KIF21A: variants seen among roughly 807,000 people sequenced by gnomAD.
The protein encoded by KIF21A is kinesin family member 21A, also known as kinesin-like protein KIF21A.
In KIF21A, 114 loss-of-function variants were observed where a neutral mutation model predicts 202.9. The ratio of observed to expected loss-of-function variants is 0.56; its 90% CI spans 0.48 to 0.66. The LOEUF is 0.66. Among genes scored for constraint, KIF21A ranks in the 30% least tolerant of loss-of-function variants. The pLI is 0.00. For missense variants in KIF21A, 1,677 were observed against 1,994.9 expected, an observed-to-expected ratio of 0.84 and a Z score of 3.04; for synonymous variants, 667 against 670.8, an observed-to-expected ratio of 0.99 and a Z score of 0.09.
At chr12:39,315,149 C>T in intron 31 of KIF21A, 80 bp downstream of exon 31, 3 of 1,330,198 alleles carry the variant, frequency 2.3e-6, no homozygotes, top group Non-Finnish European at 2.2e-6. Flanking sequence ...AAAATAAACA[C>T]TTATTTTTGT....
chr12:39,368,736 G>GT (rs1436497666), intron 3 of KIF21A, among the ~76,000 whole-genome samples: 1 of 148,904 alleles, frequency 6.7e-6, no homozygotes, highest in Non-Finnish European at 1.5e-5. Flanking sequence ...AAAACCAGCA[G>GT]TAAAAAAAAA....
intron 1 of KIF21A, among the ~76,000 whole-genome samples, chr12:39,404,157 C>G (rs1166763551): frequency 6.6e-6 from 1 of 152,076 alleles, no homozygotes; most frequent in Non-Finnish European, 1.5e-5. Flanking sequence ...CACAATCATG[C>G]TACTCTACTA....
rs1337626506 is a variant in KIF21A, at chr12:39,303,256, T to C, written c.4561-121A>G. On this transcript the variant is annotated intron_variant, in intron 35 of 37. Transcript: ENST00000361418. Reference sequence around the variant, plus strand: ...CAGACATGACTTGTTTTGTTATCTATTGTTTCTGGTTTGTTAAATGTTTTC... The same window carrying C: ...CAGACATGACTTGTTTTGTTATCTACTGTTTCTGGTTTGTTAAATGTTTTC... 1.4e-5 allele frequency: 11 copies of C among 778,634 alleles called. No homozygotes were observed. In the East Asian group the frequency reaches 2.7e-4, roughly 19 times the overall value. The allele number at this position is 778,634 out of a possible 1,614,324, so 48.2% of individuals were successfully genotyped here. A position where few individuals can be genotyped will look rare whatever the true frequency, so the allele number is the denominator to read the frequency against.
At chr12:39,396,452 A>C (rs567985518) in intron 1 of KIF21A, among the ~76,000 whole-genome samples, 29 of 152,358 alleles carry the variant, frequency 1.9e-4, no homozygotes, top group Non-Finnish European at 3.7e-4. Flanking sequence ...TGAATGAACA[A>C]TTCAACAATT....
chr12:39,340,804 G>A (rs1032028388), intron 15 of KIF21A, 102 bp downstream of exon 15: 1 of 796,338 alleles, frequency 1.3e-6, no homozygotes, highest in Non-Finnish European at 2.0e-6. Context: ...TAACAAAAAA[G>A]GGTTTAATAC....
In KIF21A at chr12:39,325,772, T is replaced by C. The variant is rs377497073; in HGVS notation, c.3456+67A>G. ...CTATTAAGAGTCAAATCTGAACCTA[T>C]GTGTTAAATAGTGATAACAAATAAT... is the stretch of plus-strand genomic sequence containing the variant. On this transcript the variant is annotated intron_variant, in intron 26 of 37. Transcript: ENST00000361418. The C allele has an allele frequency of 1.6e-4, 176 of 1,069,056 alleles. No individual in the cohort carries two copies. In the African/African-American group the frequency reaches 2.7e-3, roughly 16 times the overall value. The allele number at this position is 1,069,056 out of a possible 1,614,324, so 66.2% of individuals were successfully genotyped here. A position where few individuals can be genotyped will look rare whatever the true frequency, so the allele number is the denominator to read the frequency against.
In KIF21A at chr12:39,442,948, C is replaced by T; in HGVS notation, c.23G>A (p.Ser8Asn). The change falls in exon 1 of 38, where the codon AGC (serine) becomes AAC (asparagine). Residue 8 changes from serine (S) to asparagine (N), a missense_variant. This residue lies in a region of KIF21A where 966 missense variants were observed against 1,180.9 expected (regional missense o/e 0.82). Transcript: ENST00000361418. The surrounding 1 kb of genome is among the most constrained non-coding windows in gnomAD (Gnocchi z 5.0). MLGAPDE[S>N]SVRVAVRIRP... is the part of the protein sequence containing the mutation. Reference sequence around the variant, plus strand: ...TCACCTGACAGCCACCCGCACGGAGCTCTCGTCCGGGGCGCCCAACATGCT... The same window carrying T: ...TCACCTGACAGCCACCCGCACGGAGTTCTCGTCCGGGGCGCCCAACATGCT... 2 of 1,523,922 alleles carry T rather than the reference C, an allele frequency of 1.3e-6. No homozygotes were observed. Among genetic ancestry groups the T allele is most frequent in the South Asian group, 2.4e-5 (2 of 82,836 alleles). 94.4% of individuals were successfully genotyped at this position (1,523,922 alleles called of 1,614,324 possible).
chr12:39,344,257 A>G (rs1947700927), intron 12 of KIF21A, among the ~76,000 whole-genome samples: 1 of 152,178 alleles, frequency 6.6e-6, no homozygotes, highest in South Asian at 2.1e-4. Flanking sequence ...CAAGATGAAA[A>G]TCTAGAAAGA....
intron 10 of KIF21A, among the ~76,000 whole-genome samples, chr12:39,352,982 T>C (rs1948508090): frequency 6.6e-6 from 1 of 152,038 alleles, no homozygotes; most frequent in East Asian, 1.9e-4. Flanking sequence ...ATATAATAGA[T>C]TTTCAAGGTT....
chr12:39,341,474 A>AATT, intron 14 of KIF21A, 31 bp downstream of exon 14: 2 of 1,605,552 alleles, frequency 1.2e-6, no homozygotes, highest in Non-Finnish European at 8.5e-7. Flanking sequence ...TCCCAAAATG[A>AATT]ATTTTTGCCC....
At chr12:39,343,544 T>G (rs930322824) in intron 12 of KIF21A, among the ~76,000 whole-genome samples, 2 of 152,184 alleles carry the variant, frequency 1.3e-5, no homozygotes, top group Non-Finnish European at 2.9e-5. Context: ...CCCTAATACA[T>G]GGATTGATTT....
At chr12:39,433,104 T>C (rs1938182962) in intron 1 of KIF21A, among the ~76,000 whole-genome samples, 2 of 152,240 alleles carry the variant, frequency 1.3e-5, no homozygotes, top group South Asian at 4.1e-4. Flanking sequence ...TATCTTTTCC[T>C]GATAATTTTT....
chr12:39,425,220 T>C lies in KIF21A; in HGVS notation c.44+17707A>G, dbSNP rs901490592. Among the ~76,000 whole-genome samples the C allele has an allele frequency of 3.9e-5, 6 of 152,162 alleles. No individual in the cohort carries two copies. The East Asian group carries it at 9.6e-4, about 24-fold the overall frequency. ...ATTGTTTTACCCTCTCCATAGTATATATCAATATCTGGATTTAAAAAAAAA... is the reference window on the plus strand; with the variant it reads ...ATTGTTTTACCCTCTCCATAGTATACATCAATATCTGGATTTAAAAAAAAA... On this transcript the variant is annotated intron_variant, in intron 1 of 37. Transcript: ENST00000361418.
At chr12:39,401,580 C>T (rs75126624) in intron 1 of KIF21A, among the ~76,000 whole-genome samples, 3,074 of 152,228 alleles carry the variant, frequency 0.02, 30 homozygotes, top group African/African-American at 0.024. Context: ...TCTACAGATA[C>T]TTACTGAGGC....
intron 1 of KIF21A, among the ~76,000 whole-genome samples, chr12:39,437,344 G>C (rs1048841362): frequency 6.6e-6 from 1 of 152,030 alleles, no homozygotes; most frequent in African/African-American, 2.4e-5. Flanking sequence ...ATAACAAACA[G>C]GTCCACTACT....
At chr12:39,418,900 C>A (rs926049092) in intron 1 of KIF21A, among the ~76,000 whole-genome samples, 1 of 152,174 alleles carries the variant, frequency 6.6e-6, no homozygotes, top group Non-Finnish European at 1.5e-5. Flanking sequence ...AGGAACTGTA[C>A]TTAGAATCTA....
chr12:39,367,384 G>A (rs150532514), intron 4 of KIF21A, among the ~76,000 whole-genome samples: 100 of 152,152 alleles, frequency 6.6e-4, no homozygotes, highest in Non-Finnish European at 6.8e-4. Context: ...TCCATTGTTG[G>A]CCATTTGCTG....
chr12:39,353,822 T>C (rs1806759705), intron 10 of KIF21A, among the ~76,000 whole-genome samples: 1 of 152,174 alleles, frequency 6.6e-6, no homozygotes, highest in South Asian at 2.1e-4. Flanking sequence ...AATCTACTTT[T>C]TGTATGGCCT....
intron 37 of KIF21A, among the ~76,000 whole-genome samples, chr12:39,298,036 C>A (rs530600180): frequency 6.6e-6 from 1 of 151,918 alleles, no homozygotes; most frequent in Non-Finnish European, 1.5e-5. Flanking sequence ...CAGGTTAACC[C>A]CCCTATTGTA....
Sources: allele counts gnomAD v4.1 joint callset (sites outside exome capture counted in the v4.1 genomes callset), GRCh38; gene constraint gnomAD v4.1.1; regional missense constraint gnomAD v4.1.1; non-coding constraint Gnocchi (gnomAD v3.1); transcripts MANE v1.5; gene names NCBI Gene and HGNC (gene_info 2026-07-23, HGNC 2026-07-21).